Variants in FUBP1 observed in about 807,000 individuals in gnomAD.
FUBP1 encodes the protein far upstream element-binding protein 1.
In FUBP1, 16 loss-of-function variants were observed where a neutral mutation model predicts 94.9. The ratio of observed to expected loss-of-function variants is 0.17; its 90% CI spans 0.11 to 0.26. The LOEUF (loss-of-function observed/expected upper bound fraction) is 0.26. FUBP1 is among the 10% of genes least tolerant of loss of function. The probability of loss-of-function intolerance (pLI) is 1.00; values close to 1 mark genes in which losing one functional copy is unlikely to be tolerated. For missense variants in FUBP1, 583 were observed against 808.6 expected, an observed-to-expected ratio of 0.72 and a Z score of 3.38; for synonymous variants, 279 against 254.9, an observed-to-expected ratio of 1.09 and a Z score of -0.90.
intron 1 of FUBP1, 28 bp downstream of exon 1, chr1:77,978,857 G>A (rs746766159): frequency 1.2e-6 from 2 of 1,613,352 alleles, no homozygotes; most frequent in African/African-American, 2.7e-5. Flanking sequence ...GTGAGCTTTC[G>A]GGATTCCGCC....
intron 14 of FUBP1, among the ~76,000 whole-genome samples, chr1:77,961,812 T>C (rs1049316226): frequency 1.3e-5 from 2 of 152,228 alleles, no homozygotes; most frequent in African/African-American, 4.8e-5. Flanking sequence ...TTTTTTGCCA[T>C]GGCATCAACC....
At chr1:77,962,027 AT>A (rs111575971) in intron 14 of FUBP1, among the ~76,000 whole-genome samples, 2 of 152,266 alleles carry the variant, frequency 1.3e-5, no homozygotes, top group African/African-American at 4.8e-5. Context: ...ACCAAAAATA[AT>A]TTTTCCTAGG....
chr1:77,956,828 A>C, intron 16 of FUBP1, 128 bp from the exon 17 acceptor site: 1 of 532,160 alleles, frequency 1.9e-6, no homozygotes, highest in South Asian at 4.7e-5. Flanking sequence ...AACATTAAAA[A>C]AAGTATATGA....
chr1:77,947,776 G>T lies in FUBP1; in HGVS notation c.*990C>A. The T allele has an allele frequency of 1.5e-6, 1 of 671,776 alleles. No individual in the cohort carries two copies. The highest frequency in any genetic ancestry group is 2.1e-6 in the Non-Finnish European group (1 of 473,598). The allele number at this position is 671,776 out of a possible 1,614,324, so 41.6% of individuals were successfully genotyped here. A position where few individuals can be genotyped will look rare whatever the true frequency, so the allele number is the denominator to read the frequency against. On this transcript the variant is annotated 3_prime_UTR_variant, in exon 20 of 20. Transcript: ENST00000370768. The stretch of plus-strand genomic sequence containing the variant: ...TTACAAAACAAAGCTTATCTATACT[G>T]CATAAAGAAAAAAAAAAAGCTTGAA...
chr1:77,950,742 T>C (rs183694376), intron 18 of FUBP1, among the ~76,000 whole-genome samples: 19 of 152,342 alleles, frequency 1.2e-4, no homozygotes, highest in Non-Finnish European at 2.4e-4. Flanking sequence ...ACAAAAATAC[T>C]GGAGCATGGA....
chr1:77,964,730 C>T lies in FUBP1; in HGVS notation c.753G>A (p.Val251=), dbSNP rs2102399551. 2.5e-6 allele frequency: 4 copies of T among 1,612,156 alleles called. No individual in the cohort carries two copies. The highest frequency in any genetic ancestry group is 3.4e-6 in the Non-Finnish European group (4 of 1,178,208). The part of the protein sequence containing the change: ...PYKVQQAKEM[V]LELIRDQGGF... Reference sequence around the variant, plus strand: ...CGCCTTGATCACGAATTAACTCTAACACCATTTCCTTGGCTTGCTAAAGCA... The same window carrying T: ...CGCCTTGATCACGAATTAACTCTAATACCATTTCCTTGGCTTGCTAAAGCA... Residue 251 remains valine (V), a synonymous_variant, in exon 10 of 20, where the codon GTG becomes GTA. Transcript: ENST00000370768.
chr1:77,975,712 CCAAT>C (rs1311248840), intron 1 of FUBP1, among the ~76,000 whole-genome samples: 1 of 152,028 alleles, frequency 6.6e-6, no homozygotes, highest in African/African-American at 2.4e-5. Flanking sequence ...TGCTAAAGAC[CCAAT>C]CAAACAATCC....
intron 1 of FUBP1, among the ~76,000 whole-genome samples, chr1:77,971,141 C>G (rs1029189162): frequency 6.6e-6 from 1 of 151,994 alleles, no homozygotes; most frequent in Non-Finnish European, 1.5e-5. Context: ...AAAGGACAAC[C>G]GAAGTAGTTC....
At position 77,947,511 on chromosome 1, in the gene FUBP1, C is replaced by T; in HGVS notation, c.*1255G>A. On this transcript the variant is annotated 3_prime_UTR_variant, in exon 20 of 20. Transcript: ENST00000370768. Reference sequence around the variant, plus strand: ...ATGATACACAGCACAGTCCTCCTCACCCCTACAGAGCTAGTTCTATACTGG... The same window carrying T: ...ATGATACACAGCACAGTCCTCCTCATCCCTACAGAGCTAGTTCTATACTGG... 1 of 1,345,704 alleles carries T rather than the reference C, an allele frequency of 7.4e-7. No homozygotes were observed. The highest frequency in any genetic ancestry group is 9.8e-7 in the Non-Finnish European group (1 of 1,020,320). 83.4% of individuals were successfully genotyped at this position (1,345,704 alleles called of 1,614,324 possible). A position where few individuals can be genotyped will look rare whatever the true frequency, so the allele number is the denominator to read the frequency against.
Position 77,964,976 on chromosome 1 carries a change from A to G in FUBP1, c.637-8T>C, listed in dbSNP as rs761152064. 1.1e-5 allele frequency: 17 copies of G among 1,604,750 alleles called. No individual in the cohort carries two copies. The highest frequency in any genetic ancestry group is 1.7e-5 in the Admixed American group (1 of 59,958). On this transcript the variant is annotated splice_polypyrimidine_tract_variant and splice_region_variant and intron_variant, in intron 8 of 19. Transcript: ENST00000370768. ...TTTAACTCCAGCCCGTTCCTGTTAC[A>G]ATCATAGAAATAATATATATTAACA...
At position 77,946,412 on chromosome 1, in the gene FUBP1, A is replaced by G. The variant is rs1652175861; in HGVS notation, c.*2354T>C. On this transcript the variant is annotated 3_prime_UTR_variant, in exon 20 of 20. Transcript: ENST00000370768. ...CTAAGATGGTAGCATAAAATAACAAAATACATTTTGGGGAAGCAGTAGCAG... is the reference window on the plus strand; with the variant it reads ...CTAAGATGGTAGCATAAAATAACAAGATACATTTTGGGGAAGCAGTAGCAG... 1 of 197,334 alleles carries G rather than the reference A, an allele frequency of 5.1e-6. No individual in the cohort carries two copies. Among genetic ancestry groups the G allele is most frequent in the African/African-American group, 2.3e-5 (1 of 43,242 alleles). 12.2% of individuals were successfully genotyped at this position (197,334 alleles called of 1,614,324 possible).
At chr1:77,979,350 G>A (rs986831531), upstream of FUBP1, 4 of 264,978 alleles carry the variant, frequency 1.5e-5, no homozygotes, top group Admixed American at 9.9e-5. Flanking sequence ...AGTTGACTGC[G>A]ACTGTGTTTG....
chr1:77,978,491 C>T (rs1225245964), intron 1 of FUBP1, among the ~76,000 whole-genome samples: 1 of 152,222 alleles, frequency 6.6e-6, no homozygotes, highest in Admixed American at 6.5e-5. Flanking sequence ...CCTTCCCTTG[C>T]TATGGCTCCA....
At chr1:77,955,692 T>G (rs1476688547) in intron 17 of FUBP1, among the ~76,000 whole-genome samples, 1 of 152,202 alleles carries the variant, frequency 6.6e-6, no homozygotes, top group African/African-American at 2.4e-5. Flanking sequence ...GATATGAACA[T>G]AGTTTTTAAA....
At chr1:77,970,951 G>A (rs948110341) in intron 1 of FUBP1, among the ~76,000 whole-genome samples, 4 of 151,988 alleles carry the variant, frequency 2.6e-5, no homozygotes, top group Admixed American at 2.0e-4. Context: ...GCTGAGGCAC[G>A]AGAATCACTT....
At chr1:77,978,825 A>T in intron 1 of FUBP1, 60 bp downstream of exon 1, 2 of 1,600,408 alleles carry the variant, frequency 1.2e-6, no homozygotes, top group South Asian at 2.2e-5. Context: ...GTAGCGGCCT[A>T]CTCAGTCAGC....
At chr1:77,966,670 A>C in intron 7 of FUBP1, 24 bp downstream of exon 7, 1 of 1,226,260 alleles carries the variant, frequency 8.2e-7, no homozygotes, top group Non-Finnish European at 1.2e-6. Flanking sequence ...ACTTAAGTAG[A>C]TTTTTAAGAT....
intron 1 of FUBP1, among the ~76,000 whole-genome samples, chr1:77,971,729 C>CCGGA (rs1657578948): frequency 6.6e-6 from 1 of 151,982 alleles, no homozygotes; most frequent in African/African-American, 2.4e-5. Context: ...ACACTCTCAG[C>CCGGA]CGGACACAGT....
At chr1:77,956,444 AAAAGG>A (rs1654472235) in intron 17 of FUBP1, 123 bp downstream of exon 17, 1 of 573,250 alleles carries the variant, frequency 1.7e-6, no homozygotes, top group Non-Finnish European at 2.9e-6. Flanking sequence ...AACAATTTAA[AAAAGG>A]AAAAGTCTGC....
Sources: gnomAD v4.1 joint callset for allele counts (sites outside exome capture counted in the v4.1 genomes callset) on GRCh38, gnomAD v4.1.1 for gene constraint, MANE v1.5 for transcripts, NCBI Gene and HGNC (gene_info 2026-07-23, HGNC 2026-07-21) for gene names.